The following MDGA2 variants were observed in gnomAD, a reference collection of about 807,000 sequenced individuals.
The protein encoded by MDGA2 is MAM domain containing glycosylphosphatidylinositol anchor 2.
In MDGA2, 40 loss-of-function variants were observed where a neutral mutation model predicts 117.8. The observed-to-expected ratio is 0.34, with a 90% CI of 0.26 to 0.44. MDGA2 has a LOEUF of 0.44. Ranked by LOEUF, MDGA2 falls within the 20% of genes least tolerant of loss-of-function variation. MDGA2 has a pLI of 1.00. For synonymous variants in MDGA2, 452 were observed against 439.0 expected (o/e 1.03, Z -0.37); for missense variants, 1,123 against 1,250.6 (o/e 0.90, Z 1.54).
intron 5 of MDGA2, among the ~76,000 whole-genome samples, chr14:47,128,535 A>C (rs889221859): frequency 2.6e-5 from 4 of 152,154 alleles, no homozygotes; most frequent in African/African-American, 9.6e-5. Flanking sequence ...TCATGCCATG[A>C]AGAATAACAT....
chr14:47,298,250 C>T (rs563740649), intron 2 of MDGA2, among the ~76,000 whole-genome samples: 23 of 152,150 alleles, frequency 1.5e-4, no homozygotes, highest in African/African-American at 2.2e-4. Flanking sequence ...TTAACCATTG[C>T]ATCGTACTGA....
intron 1 of MDGA2, among the ~76,000 whole-genome samples, chr14:47,315,759 T>C (rs1889788832): frequency 6.6e-6 from 1 of 152,108 alleles, no homozygotes; most frequent in South Asian, 2.1e-4. Flanking sequence ...AGGATTTATC[T>C]CCCAAATACC....
chr14:47,532,670 C>A (rs1895124211), intron 1 of MDGA2, among the ~76,000 whole-genome samples: 1 of 152,160 alleles, frequency 6.6e-6, no homozygotes, highest in Non-Finnish European at 1.5e-5. Context: ...CTACTGAGCT[C>A]TTTTTCACAA....
At chr14:47,657,350 T>C (rs1897763671) in intron 1 of MDGA2, among the ~76,000 whole-genome samples, 1 of 152,178 alleles carries the variant, frequency 6.6e-6, no homozygotes, top group Non-Finnish European at 1.5e-5. Flanking sequence ...TGCCATCAGC[T>C]ACTCCAGTGT....
At chr14:47,265,958 T>C (rs1047763507) in intron 2 of MDGA2, among the ~76,000 whole-genome samples, 1 of 152,276 alleles carries the variant, frequency 6.6e-6, no homozygotes, top group African/African-American at 2.4e-5. Flanking sequence ...TCTTTACTAC[T>C]ATTATTACAA....
At chr14:47,207,247 A>C (rs957003235) in intron 3 of MDGA2, among the ~76,000 whole-genome samples, 1 of 151,934 alleles carries the variant, frequency 6.6e-6, no homozygotes, top group African/African-American at 2.4e-5. Context: ...GTGAGGTCGA[A>C]GGATGTTGCT....
chr14:47,006,081 G>A (rs1887698924), intron 8 of MDGA2, among the ~76,000 whole-genome samples: 2 of 151,550 alleles, frequency 1.3e-5, no homozygotes, highest in South Asian at 4.1e-4. Context: ...GAACATAACA[G>A]TAAGTTCAAC....
intron 12 of MDGA2, 69 bp downstream of exon 12, chr14:46,877,420 A>AT (rs1451141798): frequency 8.4e-5 from 74 of 880,852 alleles, no homozygotes; most frequent in Non-Finnish European, 1.2e-4. Flanking sequence ...CAATTTTTGT[A>AT]TATTTATAAA....
intron 8 of MDGA2, among the ~76,000 whole-genome samples, chr14:46,975,655 A>G (rs1886428712): frequency 6.6e-6 from 1 of 152,140 alleles, no homozygotes. Context: ...ACTTTTAGAG[A>G]CAAAAATAAA....
At chr14:47,058,814 T>C in intron 7 of MDGA2, 1 of 985,658 alleles carries the variant, frequency 1.0e-6, no homozygotes, top group Non-Finnish European at 1.2e-6. Flanking sequence ...GTAGGCCTTC[T>C]ATCACAATAA....
At chr14:47,526,518 C>G (rs1361843382) in intron 1 of MDGA2, among the ~76,000 whole-genome samples, 1 of 152,232 alleles carries the variant, frequency 6.6e-6, no homozygotes, top group South Asian at 2.1e-4. Flanking sequence ...TTCCTAGGCA[C>G]TAAACTCTAA....
chr14:46,886,373 T>G (rs2138404206), intron 10 of MDGA2, among the ~76,000 whole-genome samples: 1 of 152,180 alleles, frequency 6.6e-6, no homozygotes, highest in East Asian at 1.9e-4. Flanking sequence ...TTTCACAAAA[T>G]ATTGAACTAA....
intron 1 of MDGA2, among the ~76,000 whole-genome samples, chr14:47,328,904 A>G (rs4393490): frequency 0.96 from 146,689 of 152,186 alleles, 70,945 homozygotes; most frequent in East Asian, 1. Context: ...TAAAAAAGAT[A>G]AGAATCATAG....
At chr14:47,338,789 G>C (rs1358424416) in intron 1 of MDGA2, among the ~76,000 whole-genome samples, 1 of 152,012 alleles carries the variant, frequency 6.6e-6, no homozygotes, top group African/African-American at 2.4e-5. Context: ...GAGATATTAT[G>C]ATTCATTTCT....
At chr14:47,637,259 T>A (rs1422382301) in intron 1 of MDGA2, among the ~76,000 whole-genome samples, 1 of 152,170 alleles carries the variant, frequency 6.6e-6, no homozygotes, top group Non-Finnish European at 1.5e-5. Context: ...CAAATCCAAG[T>A]AGAATAATTC....
chr14:46,970,876 G>T (rs1291169142), intron 8 of MDGA2, among the ~76,000 whole-genome samples: 4 of 151,860 alleles, frequency 2.6e-5, no homozygotes, highest in Non-Finnish European at 5.9e-5. Flanking sequence ...GTGGCCTAAA[G>T]ACATAAATAG....
chr14:47,287,590 A>T (rs1888731582), intron 2 of MDGA2, among the ~76,000 whole-genome samples: 1 of 152,136 alleles, frequency 6.6e-6, no homozygotes, highest in African/African-American at 2.4e-5. Context: ...TATTATTATT[A>T]ACTATAGTCA....
chr14:47,285,747 T>C (rs1888649501), intron 2 of MDGA2, among the ~76,000 whole-genome samples: 1 of 152,054 alleles, frequency 6.6e-6, no homozygotes, highest in Non-Finnish European at 1.5e-5. Flanking sequence ...CAACAGTACC[T>C]CACGGACATA....
chr14:47,193,386 G>A (rs1319140970), intron 3 of MDGA2, among the ~76,000 whole-genome samples: 1 of 152,122 alleles, frequency 6.6e-6, no homozygotes, highest in Non-Finnish European at 1.5e-5. Context: ...CATAGATAGA[G>A]TAGATTAGGA....
Sources: allele counts gnomAD v4.1 joint callset (sites outside exome capture counted in the v4.1 genomes callset), GRCh38; gene constraint gnomAD v4.1.1; transcripts MANE v1.5; gene names NCBI Gene and HGNC (gene_info 2026-07-23, HGNC 2026-07-21).